Variants in COL5A2 observed in about 807,000 individuals in gnomAD.
COL5A2 encodes the protein collagen alpha-2(V) chain.
COL5A2 carries 23 observed loss-of-function variants against 208.2 expected under a neutral mutation model. That is an observed-to-expected ratio of 0.11 (90% CI 0.08 to 0.16). The LOEUF is 0.16. Among genes scored for constraint, COL5A2 ranks in the 10% least tolerant of loss-of-function variants. The probability of loss-of-function intolerance (pLI) is 1.00; values close to 1 mark genes in which losing one functional copy is unlikely to be tolerated. For missense variants in COL5A2, 1,590 were observed against 1,956.4 expected (o/e 0.81, Z 3.53); for synonymous variants, 625 against 628.5 (o/e 0.99, Z 0.08).
At chr2:189,284,233 C>G in the COL5A2 span, among the ~76,000 whole-genome samples, 4 of 151,974 alleles carry the variant, frequency 2.6e-5, no homozygotes, top group Non-Finnish European at 5.9e-5. Flanking sequence ...AATCAATGAC[C>G]ACTTTTATGT....
At chr2:189,253,102 C>T in the COL5A2 span, among the ~76,000 whole-genome samples, 1 of 152,128 alleles carries the variant, frequency 6.6e-6, no homozygotes, top group African/African-American at 2.4e-5. Context: ...TGAGAAACAG[C>T]TAAGAGAATA....
At chr2:189,240,019 G>A in the COL5A2 span, among the ~76,000 whole-genome samples, 1 of 152,138 alleles carries the variant, frequency 6.6e-6, no homozygotes, top group East Asian at 1.9e-4. Flanking sequence ...TGTTATAGCA[G>A]TGTTAGAAAA....
chr2:189,087,628 TA>T (rs1481850188), intron 8 of COL5A2, among the ~76,000 whole-genome samples: 4 of 138,620 alleles, frequency 2.9e-5, no homozygotes, highest in East Asian at 4.2e-4. Flanking sequence ...AATTGTTTTG[TA>T]TTTTTTTTTT....
chr2:189,327,774 A>G, the COL5A2 span, among the ~76,000 whole-genome samples: 1 of 152,230 alleles, frequency 6.6e-6, no homozygotes, highest in Admixed American at 6.5e-5. Flanking sequence ...AACAATACTG[A>G]GTTATAGACT....
chr2:189,279,614 A>C, the COL5A2 span, among the ~76,000 whole-genome samples: 1 of 151,928 alleles, frequency 6.6e-6, no homozygotes, highest in African/African-American at 2.4e-5. Context: ...ATCAAAACAA[A>C]ATTTAAAAGT....
chr2:189,102,671 T>C (rs548541813), intron 3 of COL5A2, among the ~76,000 whole-genome samples: 138 of 152,240 alleles, frequency 9.1e-4, no homozygotes, highest in Non-Finnish European at 1.5e-3. Context: ...TTATAGTGTT[T>C]TTCTCACATT....
chr2:189,219,260 A>C (rs757063046), intron 1 of COL5A2, among the ~76,000 whole-genome samples: 1 of 152,242 alleles, frequency 6.6e-6, no homozygotes, highest in Non-Finnish European at 1.5e-5. Flanking sequence ...ACCAAAATCC[A>C]TATGTAACAG....
the COL5A2 span, among the ~76,000 whole-genome samples, chr2:189,247,562 T>C: frequency 6.6e-6 from 1 of 151,288 alleles, no homozygotes; most frequent in Admixed American, 6.6e-5. Context: ...GGTTAGGAAG[T>C]CTTTTTCAAA....
At chr2:189,252,410 C>T in the COL5A2 span, among the ~76,000 whole-genome samples, 1 of 152,182 alleles carries the variant, frequency 6.6e-6, no homozygotes, top group African/African-American at 2.4e-5. Flanking sequence ...GGCACATATA[C>T]ACCATGGAAT....
At chr2:189,326,243 GA>G in the COL5A2 span, among the ~76,000 whole-genome samples, 1 of 152,096 alleles carries the variant, frequency 6.6e-6, no homozygotes, top group African/African-American at 2.4e-5. Flanking sequence ...TAATGATGAT[GA>G]TTATGAAGAA....
the COL5A2 span, among the ~76,000 whole-genome samples, chr2:189,322,865 C>T: frequency 2.0e-5 from 3 of 151,894 alleles, no homozygotes; most frequent in African/African-American, 7.3e-5. Context: ...GGCAGAGGCA[C>T]AACAAAAAAA....
chr2:189,295,469 G>C, the COL5A2 span, among the ~76,000 whole-genome samples: 2 of 152,090 alleles, frequency 1.3e-5, no homozygotes, highest in Admixed American at 6.5e-5. Context: ...ACATAAATTA[G>C]CCAGCTGTGG....
At chr2:189,278,828 T>C in the COL5A2 span, among the ~76,000 whole-genome samples, 6 of 152,036 alleles carry the variant, frequency 3.9e-5, no homozygotes, top group African/African-American at 1.2e-4. Flanking sequence ...CCTAATATTT[T>C]AGCTCATTAC....
the COL5A2 span, among the ~76,000 whole-genome samples, chr2:189,305,750 G>A: frequency 1.3e-5 from 2 of 151,520 alleles, no homozygotes; most frequent in Non-Finnish European, 2.9e-5. Flanking sequence ...AGATCAACAG[G>A]CTAATTGGCG....
the COL5A2 span, among the ~76,000 whole-genome samples, chr2:189,382,924 C>T: frequency 6.6e-6 from 1 of 151,990 alleles, no homozygotes; most frequent in Non-Finnish European, 1.5e-5. Context: ...TGTATTGTCA[C>T]AAGGACAGGG....
chr2:189,270,765 T>C, the COL5A2 span, among the ~76,000 whole-genome samples: 1 of 152,160 alleles, frequency 6.6e-6, no homozygotes, highest in African/African-American at 2.4e-5. Context: ...AACCCCACTG[T>C]CTCAGTCCAA....
At chr2:189,132,927 A>C (rs1687745823) in intron 1 of COL5A2, 1 of 152,632 alleles carries the variant, frequency 6.6e-6, no homozygotes, top group South Asian at 2.1e-4. Context: ...TCTCAAAAAA[A>C]AAATTAATAA....
the COL5A2 span, chr2:189,311,798 T>A: frequency 1.0e-6 from 1 of 952,898 alleles, no homozygotes; most frequent in Non-Finnish European, 1.7e-6. Flanking sequence ...TGGACCTGGA[T>A]GTCTGAAATG....
At chr2:189,156,396 T>A (rs1040509257) in intron 1 of COL5A2, among the ~76,000 whole-genome samples, 1 of 152,166 alleles carries the variant, frequency 6.6e-6, no homozygotes, top group Non-Finnish European at 1.5e-5. Context: ...AACTGCAGAA[T>A]TTTAAAAATA....
Sources: gnomAD v4.1 joint callset for allele counts (sites outside exome capture counted in the v4.1 genomes callset) on GRCh38, gnomAD v4.1.1 for gene constraint, MANE v1.5 for transcripts, NCBI Gene and HGNC (gene_info 2026-07-23, HGNC 2026-07-21) for gene names.